The following TNIK variants were observed in gnomAD, a reference collection of about 807,000 sequenced individuals.
TNIK encodes the protein TRAF2 and NCK-interacting protein kinase.
A neutral mutation model predicts 191.3 loss-of-function variants in TNIK; 49 were observed. That is an observed-to-expected ratio of 0.26 (90% confidence interval 0.20 to 0.32). The LOEUF is 0.32. TNIK is among the 10% of genes least tolerant of loss of function. TNIK has a pLI of 1.00. For synonymous variants in TNIK, 594 were observed against 600.9 expected, an observed-to-expected ratio of 0.99 and a Z score of 0.17; for missense variants, 1,155 against 1,702.3, an observed-to-expected ratio of 0.68 and a Z score of 5.66.
chr3:171,365,145 A>G (rs1323230101), intron 2 of TNIK, among the ~76,000 whole-genome samples: 1 of 127,740 alleles, frequency 7.8e-6, no homozygotes, highest in Non-Finnish European at 1.8e-5. Context: ...AAAGGACTAC[A>G]CAAAAGGACT....
intron 1 of TNIK, among the ~76,000 whole-genome samples, chr3:171,451,443 C>T (rs1033853941): frequency 2.0e-5 from 3 of 152,218 alleles, no homozygotes; most frequent in African/African-American, 7.2e-5. Context: ...ATGCTAAAAC[C>T]ACCCAGGTAA....
chr3:171,318,157 T>C (rs1243609491), intron 2 of TNIK, among the ~76,000 whole-genome samples: 1 of 152,154 alleles, frequency 6.6e-6, no homozygotes, highest in Non-Finnish European at 1.5e-5. Flanking sequence ...TCATACTATA[T>C]AGTTTAGCCT....
intron 2 of TNIK, among the ~76,000 whole-genome samples, chr3:171,322,539 GACCATACTGTATTTTCT>G (rs1178350529): frequency 8.6e-5 from 13 of 151,972 alleles, no homozygotes; most frequent in Non-Finnish European, 1.6e-4. Flanking sequence ...AAATAACTGG[GACCATACTGTATTTTCT>G]ACAATTTCCT....
At chr3:171,114,157 C>G (rs1726326489) in intron 18 of TNIK, among the ~76,000 whole-genome samples, 2 of 152,140 alleles carry the variant, frequency 1.3e-5, no homozygotes, top group African/African-American at 4.8e-5. Flanking sequence ...GAGCTCAAAT[C>G]TATCGCCTTC....
At chr3:171,157,701 G>A (rs1410634385) in intron 11 of TNIK, 37 bp from the exon 12 acceptor site, 1 of 1,547,976 alleles carries the variant, frequency 6.5e-7, no homozygotes, top group Admixed American at 2.0e-5. Context: ...TCCCACGTGG[G>A]GCAGGGGCCA....
At chr3:171,082,983 A>T (rs1323117681) in intron 26 of TNIK, among the ~76,000 whole-genome samples, 1 of 152,250 alleles carries the variant, frequency 6.6e-6, no homozygotes, top group Non-Finnish European at 1.5e-5. Flanking sequence ...AGTCACAGAC[A>T]TACTCACTTT....
In TNIK at chr3:171,235,798, G is replaced by A. The variant is rs114840504; in HGVS notation, c.124-7577C>T. On this transcript the variant is annotated intron_variant, in intron 2 of 32. Coordinates refer to ENST00000436636, the MANE Select transcript of TNIK (RefSeq NM_015028.4). ...GGGGGGTTTATAGAGTGAGATTTTAGTATTCCATGAAATCTGAGAATCCAG... is the reference window on the plus strand; with the variant it reads ...GGGGGGTTTATAGAGTGAGATTTTAATATTCCATGAAATCTGAGAATCCAG... Among the ~76,000 whole-genome samples, 1,381 of 151,316 alleles carry A rather than the reference G, an allele frequency of 9.1e-3. 23 individuals are homozygous for A. The highest frequency in any genetic ancestry group is 0.032 in the African/African-American group (1,299 of 41,108).
intron 2 of TNIK, among the ~76,000 whole-genome samples, chr3:171,289,175 C>G (rs1751397221): frequency 1.3e-5 from 2 of 152,022 alleles, no homozygotes; most frequent in African/African-American, 4.8e-5. Flanking sequence ...GGTGAATGTC[C>G]CAAATTGGAA....
At chr3:171,237,492 T>C (rs900942182) in intron 2 of TNIK, among the ~76,000 whole-genome samples, 2 of 149,562 alleles carry the variant, frequency 1.3e-5, no homozygotes, top group African/African-American at 2.5e-5. Context: ...GGAGTCATAA[T>C]GATTCCCACG....
At chr3:171,299,100 TC>T (rs1420902917) in intron 2 of TNIK, among the ~76,000 whole-genome samples, 1 of 152,174 alleles carries the variant, frequency 6.6e-6, no homozygotes, top group African/African-American at 2.4e-5. Flanking sequence ...CTCATCTACC[TC>T]CAGATTTTGT....
intron 3 of TNIK, among the ~76,000 whole-genome samples, chr3:171,216,499 A>G (rs899410428): frequency 4.6e-5 from 7 of 152,186 alleles, no homozygotes; most frequent in Admixed American, 1.3e-4. Context: ...TGAAATAGTT[A>G]AGAGCATGCC....
intron 4 of TNIK, among the ~76,000 whole-genome samples, chr3:171,198,607 G>T (rs1420854790): frequency 1.3e-5 from 2 of 152,010 alleles, no homozygotes; most frequent in African/African-American, 2.4e-5. Flanking sequence ...AACTAGAAGG[G>T]GCAACATAGA....
At chr3:171,193,636 A>G (rs2108842495) in intron 5 of TNIK, among the ~76,000 whole-genome samples, 1 of 152,272 alleles carries the variant, frequency 6.6e-6, no homozygotes, top group South Asian at 2.1e-4. Context: ...ACTTCTATCC[A>G]TTTCATCCAT....
intron 1 of TNIK, among the ~76,000 whole-genome samples, chr3:171,387,068 C>G (rs1266166942): frequency 6.6e-6 from 1 of 152,112 alleles, no homozygotes; most frequent in Non-Finnish European, 1.5e-5. Flanking sequence ...ATTAAATAAG[C>G]TGAGCATGTT....
At chr3:171,090,563 G>A (rs1205022652) in intron 23 of TNIK, among the ~76,000 whole-genome samples, 1 of 145,054 alleles carries the variant, frequency 6.9e-6, no homozygotes, top group Non-Finnish European at 1.5e-5. Context: ...CCAGGAAGGT[G>A]CTGTGTACAA....
intron 1 of TNIK, among the ~76,000 whole-genome samples, chr3:171,445,864 C>T (rs9867395): frequency 0.13 from 20,177 of 152,172 alleles, 2,093 homozygotes; most frequent in African/African-American, 0.29. Flanking sequence ...CTTCATTTCA[C>T]TTACTAATGG....
intron 10 of TNIK, among the ~76,000 whole-genome samples, chr3:171,162,746 C>T (rs1734168087): frequency 6.6e-6 from 1 of 152,162 alleles, no homozygotes; most frequent in Non-Finnish European, 1.5e-5. Context: ...AGCAAGAATA[C>T]TGAAATTACA....
At chr3:171,213,529 G>A (rs755230688) in intron 3 of TNIK, among the ~76,000 whole-genome samples, 1 of 151,612 alleles carries the variant, frequency 6.6e-6, no homozygotes, top group African/African-American at 2.4e-5. Context: ...AGACAGGGGA[G>A]GGGGGGACTG....
At chr3:171,086,733 A>G (rs576546642) in intron 24 of TNIK, among the ~76,000 whole-genome samples, 4 of 152,290 alleles carry the variant, frequency 2.6e-5, no homozygotes, top group African/African-American at 9.6e-5. Flanking sequence ...AACTCATCCA[A>G]CTGGTGTCAG....
Sources: gnomAD v4.1 joint callset for allele counts (sites outside exome capture counted in the v4.1 genomes callset) on GRCh38, gnomAD v4.1.1 for gene constraint, MANE v1.5 for transcripts, NCBI Gene and HGNC (gene_info 2026-07-23, HGNC 2026-07-21) for gene names.